ZNF469: variants seen among roughly 807,000 people sequenced by gnomAD.
ZNF469 encodes the protein zinc finger protein 469.
Under a neutral mutation model 1.0 loss-of-function variants are expected in ZNF469, and 1 was observed. That is an observed-to-expected ratio of 1.00 (90% CI 0.35 to 4.73). ZNF469 has a LOEUF of 4.73. Among genes scored for constraint, ZNF469 ranks in the 30% most tolerant of loss-of-function variants. The pLI, the probability that ZNF469 is intolerant of heterozygous loss-of-function variation, is 0.16. For missense variants in ZNF469, 6,100 were observed against 5,356.3 expected (o/e 1.14, Z -4.33); for synonymous variants, 2,703 against 2,363.4 (o/e 1.14, Z -4.17).
chr16:88,348,044 G>T, the ZNF469 span, among the ~76,000 whole-genome samples: 1 of 152,270 alleles, frequency 6.6e-6, no homozygotes, highest in African/African-American at 2.4e-5. Context: ...GGTGGGCGGA[G>T]CATGGTCGTG....
the ZNF469 span, among the ~76,000 whole-genome samples, chr16:88,218,492 G>C: frequency 6.6e-6 from 1 of 151,972 alleles, no homozygotes; most frequent in Admixed American, 6.6e-5. Flanking sequence ...ATTGCTTTTG[G>C]TGTTTTAGAC....
the ZNF469 span, among the ~76,000 whole-genome samples, chr16:88,156,813 G>C: frequency 6.6e-6 from 1 of 151,846 alleles, no homozygotes. Context: ...GCAGGCAGAG[G>C]CTTCACCACT....
the ZNF469 span, among the ~76,000 whole-genome samples, chr16:88,263,709 A>G: frequency 6.6e-6 from 1 of 152,114 alleles, no homozygotes; most frequent in African/African-American, 2.4e-5. Flanking sequence ...CCCTTGCAGC[A>G]GCAGCAGGGG....
the ZNF469 span, among the ~76,000 whole-genome samples, chr16:88,376,800 C>T: frequency 6.6e-6 from 1 of 152,210 alleles, no homozygotes; most frequent in African/African-American, 2.4e-5. Flanking sequence ...CCCAGGCCAC[C>T]AGCTGCCTGC....
At chr16:88,127,371 G>A in the ZNF469 span, among the ~76,000 whole-genome samples, 28 of 152,340 alleles carry the variant, frequency 1.8e-4, no homozygotes, top group East Asian at 5.4e-3. Context: ...CCAGGATCTC[G>A]CTAGAATAGA....
At chr16:88,360,234 G>C in the ZNF469 span, among the ~76,000 whole-genome samples, 3 of 152,112 alleles carry the variant, frequency 2.0e-5, no homozygotes, top group Non-Finnish European at 4.4e-5. Context: ...TGGCCAGGCT[G>C]GTCTCAAACT....
chr16:88,191,553 T>C, the ZNF469 span: 1 of 152,334 alleles, frequency 6.6e-6, no homozygotes, highest in Admixed American at 6.5e-5. Flanking sequence ...CTGAAGGGGA[T>C]GAATGAACAA....
the ZNF469 span, among the ~76,000 whole-genome samples, chr16:88,192,706 G>GTGATAATGGTGGTAATGATGGTGT: frequency 6.6e-6 from 1 of 150,792 alleles, no homozygotes. Context: ...GGTGATAAAG[G>GTGATAATGGTGGTAATGATGGTGT]TGATAATGGT....
chr16:88,359,056 G>T, the ZNF469 span, among the ~76,000 whole-genome samples: 1 of 152,230 alleles, frequency 6.6e-6, no homozygotes, highest in Non-Finnish European at 1.5e-5. Context: ...GTCGTTGGCT[G>T]TGCAGACGCT....
At chr16:88,147,400 G>A in the ZNF469 span, among the ~76,000 whole-genome samples, 331 of 152,176 alleles carry the variant, frequency 2.2e-3, 5 homozygotes, top group African/African-American at 7.5e-3. Flanking sequence ...TGTGGCCATC[G>A]TTCTGGCAGC....
the ZNF469 span, among the ~76,000 whole-genome samples, chr16:88,137,514 C>T: frequency 6.7e-6 from 1 of 149,514 alleles, no homozygotes; most frequent in South Asian, 2.1e-4. Flanking sequence ...GTGCATACTC[C>T]ACACATGCAT....
At chr16:88,377,570 A>G in the ZNF469 span, among the ~76,000 whole-genome samples, 1 of 152,184 alleles carries the variant, frequency 6.6e-6, no homozygotes, top group South Asian at 2.1e-4. Context: ...ATCCGTCTGG[A>G]ATGTCTCCTT....
chr16:88,344,172 T>A, the ZNF469 span, among the ~76,000 whole-genome samples: 1 of 147,498 alleles, frequency 6.8e-6, no homozygotes, highest in Non-Finnish European at 1.5e-5. Flanking sequence ...TGAGAATTTG[T>A]CACGGCCCAG....
Position 88,432,617 on chromosome 16 carries a change from C to T in ZNF469, c.5147C>T (p.Pro1716Leu), listed in dbSNP as rs375253239. ...TGCCAGGCAGAAGGAGACAGCAGGC[C>T]CCCCCAAGATGTCTGCCTGCCTGAG... ...GLCQAEGDSR[P>L]PQDVCLPEPS... The change falls in exon 3 of 3, where the codon CCC becomes CTC. Residue 1716 changes from proline to leucine, a missense_variant. Transcript: ENST00000565624. 51 of 1,550,386 alleles carry T rather than the reference C, an allele frequency of 3.3e-5. No individual in the cohort carries two copies. The highest frequency in any genetic ancestry group is 5.9e-5 in the Admixed American group (3 of 51,004).
the ZNF469 span, among the ~76,000 whole-genome samples, chr16:88,161,157 T>C: frequency 1.3e-5 from 1 of 77,790 alleles, no homozygotes; most frequent in African/African-American, 4.9e-5. Flanking sequence ...CGAGACTCCA[T>C]CTCAAAAAAA....
chr16:88,322,905 C>T, the ZNF469 span, among the ~76,000 whole-genome samples: 2 of 121,054 alleles, frequency 1.7e-5, no homozygotes, highest in East Asian at 4.1e-4. Context: ...GGCAAGGAGA[C>T]GAGCTCAGGA....
At chr16:88,103,844 G>A in the ZNF469 span, among the ~76,000 whole-genome samples, 7 of 149,908 alleles carry the variant, frequency 4.7e-5, no homozygotes, top group South Asian at 6.4e-4. Flanking sequence ...ATAATCCTCC[G>A]TGGCACGGAG....
intron 1 of ZNF469, among the ~76,000 whole-genome samples, chr16:88,394,870 A>G (rs1045111206): frequency 6.6e-6 from 1 of 151,852 alleles, no homozygotes; most frequent in South Asian, 2.1e-4. Context: ...ACCTGGGCCC[A>G]CCACTGGGCA....
chr16:88,242,427 G>A, the ZNF469 span, among the ~76,000 whole-genome samples: 1 of 152,086 alleles, frequency 6.6e-6, no homozygotes, highest in Non-Finnish European at 1.5e-5. Context: ...TTCTCCTTGT[G>A]ACCTCACTTG....
Sources: allele counts gnomAD v4.1 joint callset (sites outside exome capture counted in the v4.1 genomes callset), GRCh38; gene constraint gnomAD v4.1.1; transcripts MANE v1.5; gene names NCBI Gene and HGNC (gene_info 2026-07-23, HGNC 2026-07-21).